Variants in POLE2 observed in about 807,000 individuals in gnomAD.
POLE2 encodes the protein DNA polymerase epsilon subunit 2.
Under a neutral mutation model 79.4 loss-of-function variants are expected in POLE2, and 56 were observed. The observed-to-expected ratio is 0.71, with a 90% confidence interval of 0.57 to 0.88. The LOEUF is 0.88. POLE2 is among the 40% of genes least tolerant of loss of function. The pLI is 0.00. For synonymous variants in POLE2, 212 were observed against 214.0 expected, an observed-to-expected ratio of 0.99 and a Z score of 0.08; for missense variants, 598 against 638.9, an observed-to-expected ratio of 0.94 and a Z score of 0.69.
At chr14:49,657,469 G>A (rs1184206856) in intron 10 of POLE2, among the ~76,000 whole-genome samples, 2 of 145,616 alleles carry the variant, frequency 1.4e-5, no homozygotes, top group African/African-American at 2.6e-5. Flanking sequence ...GTCTCATGCT[G>A]TCTCCCAGGC....
intron 3 of POLE2, chr14:49,677,739 T>A (rs1315135870): frequency 1.5e-6 from 2 of 1,376,694 alleles, no homozygotes; most frequent in Non-Finnish European, 2.0e-6. Context: ...CAACTCAGCA[T>A]CCCACAAAGC....
In POLE2 at chr14:49,683,610, G is replaced by C. The variant is rs2139695565; in HGVS notation, c.152C>G (p.Ala51Gly). The C allele has an allele frequency of 6.5e-7, 1 of 1,548,724 alleles. No individual in the cohort carries two copies. Among genetic ancestry groups the C allele is most frequent in the African/African-American group, 1.4e-5 (1 of 73,784 alleles). Residue 51 changes from alanine to glycine, a missense_variant, in exon 2 of 19, where the codon GCA becomes GGA. Coordinates refer to ENST00000216367, the MANE Select transcript of POLE2 (RefSeq NM_002692.4). ...LEDKLEKIIN[A>G]VEKQPLSSNM... ...TTACTTACAGGGTTGCTTCTCAACT[G>C]CATTAATTATCTTTTCCAGTTTATC...
chr14:49,650,229 T>C (rs746434717), intron 17 of POLE2, 36 bp downstream of exon 17: 20 of 1,150,854 alleles, frequency 1.7e-5, no homozygotes, highest in Non-Finnish European at 2.3e-5. Flanking sequence ...CTAATCTTGA[T>C]AAATAATGAC....
intron 4 of POLE2, 59 bp from the exon 5 acceptor site, chr14:49,674,275 G>C: frequency 6.9e-7 from 1 of 1,450,286 alleles, no homozygotes; most frequent in Admixed American, 1.7e-5. Flanking sequence ...AGCCAAAAGT[G>C]AAGCAAGAGA....
In POLE2 at chr14:49,683,644, C is replaced by G. The variant is rs759981747; in HGVS notation, c.118G>C (p.Glu40Gln). Residue 40 changes from glutamate to glutamine, a missense_variant, in exon 2 of 19, where the codon GAG becomes CAG. Physicochemically the swap from Glu to Gln is conservative, Grantham distance 29. Transcript: ENST00000216367. The part of the protein sequence containing the change: ...TEALQSISEL[E>Q]LEDKLEKIIN... ...ATCTTTTCCAGTTTATCTTCAAGCT[C>G]TAATTCACTGATAGACTGAAGAGCT... 5 of 1,596,942 alleles carry G rather than the reference C, an allele frequency of 3.1e-6. No homozygotes were observed. Among genetic ancestry groups the G allele is most frequent in the Non-Finnish European group, 4.3e-6 (5 of 1,166,994 alleles).
Position 49,657,429 on chromosome 14 carries a change from C to CT in POLE2, c.756-1587dup, listed in dbSNP as rs918363691. ...ATACATATCTTGTTATAGTTGATTC[C>CT]TTTTTTTTTTTTTTCTTTTTTTTGA... On this transcript the variant is annotated intron_variant, in intron 10 of 18. Coordinates refer to ENST00000216367, the MANE Select transcript of POLE2 (RefSeq NM_002692.4). 7.8e-3 allele frequency among the ~76,000 whole-genome samples: 1,116 copies of CT among 143,182 alleles called. 6 individuals are homozygous for CT. Among genetic ancestry groups the CT allele is most frequent in the African/African-American group, 9.0e-3 (352 of 39,196 alleles). 93.9% of individuals were successfully genotyped at this position (143,182 alleles called of 152,430 possible). A position where few individuals can be genotyped will look rare whatever the true frequency, so the allele number is the denominator to read the frequency against.
chr14:49,654,559 C>A, intron 13 of POLE2: 1 of 485,190 alleles, frequency 2.1e-6, no homozygotes, highest in Non-Finnish European at 3.4e-6. Flanking sequence ...AGTAATGCCA[C>A]GAAGAAATTC....
intron 3 of POLE2, chr14:49,677,222 C>T (rs1566565288): frequency 1.0e-5 from 8 of 803,766 alleles, no homozygotes; most frequent in South Asian, 7.5e-5. Flanking sequence ...CTTTACCTCA[C>T]GGCTTACTGT....
intron 1 of POLE2, among the ~76,000 whole-genome samples, chr14:49,687,278 CAT>C (rs577886157): frequency 7.1e-6 from 1 of 140,002 alleles, no homozygotes; most frequent in Non-Finnish European, 1.5e-5. Context: ...AAAAAAAATA[CAT>C]ATATATATAT....
At chr14:49,657,204 C>G (rs1213400003) in intron 10 of POLE2, among the ~76,000 whole-genome samples, 1 of 151,660 alleles carries the variant, frequency 6.6e-6, no homozygotes, top group Non-Finnish European at 1.5e-5. Context: ...AGTATGTGCT[C>G]AAAACATATT....
chr14:49,666,247 G>A, intron 7 of POLE2, 83 bp downstream of exon 7: 2 of 717,146 alleles, frequency 2.8e-6, no homozygotes, highest in Non-Finnish European at 4.9e-6. Flanking sequence ...ATACATTCCT[G>A]TGCCCACTAC....
At position 49,651,269 on chromosome 14, in the gene POLE2, G is replaced by C. The variant is rs111841426; in HGVS notation, c.1320C>G (p.His440Gln). 4 of 1,476,126 alleles carry C rather than the reference G, an allele frequency of 2.7e-6. No homozygotes were observed. In the South Asian group the frequency reaches 4.6e-5, roughly 17 times the overall value. 91.4% of individuals were successfully genotyped at this position (1,476,126 alleles called of 1,614,324 possible). A position where few individuals can be genotyped will look rare whatever the true frequency, so the allele number is the denominator to read the frequency against. ...TTAATAAAAAAGTTGTTTCACTTACGTGATTAGGAATAGCCAAATTGCTGC... is the reference window on the plus strand; with the variant it reads ...TTAATAAAAAAGTTGTTTCACTTACCTGATTAGGAATAGCCAAATTGCTGC... ...FPSSNLAIPN[H>Q]FVKTILSQGH... The change falls in exon 16 of 19, where the codon CAC (histidine) becomes CAG (glutamine). Residue 440 changes from histidine to glutamine, a missense_variant and splice_region_variant. By Grantham distance (24) the His-to-Gln change is conservative. Coordinates refer to ENST00000216367, the MANE Select transcript of POLE2 (RefSeq NM_002692.4).
chr14:49,656,126 C>A (rs1184427550), intron 10 of POLE2, among the ~76,000 whole-genome samples: 1 of 152,020 alleles, frequency 6.6e-6, no homozygotes, highest in African/African-American at 2.4e-5. Context: ...GAGGCCGAGG[C>A]GGGCGGATCA....
chr14:49,669,812 A>G (rs541211055), intron 5 of POLE2, among the ~76,000 whole-genome samples: 17 of 152,208 alleles, frequency 1.1e-4, no homozygotes, highest in Non-Finnish European at 2.5e-4. Context: ...TTAAAGGTCT[A>G]TTGTGTGTAT....
chr14:49,678,650 A>C (rs558643680), intron 3 of POLE2, among the ~76,000 whole-genome samples: 1 of 152,110 alleles, frequency 6.6e-6, no homozygotes, highest in African/African-American at 2.4e-5. Context: ...ATTATACTCC[A>C]GTATTTATTT....
intron 2 of POLE2, among the ~76,000 whole-genome samples, chr14:49,682,443 C>T (rs148791209): frequency 0.011 from 1,673 of 151,586 alleles, 31 homozygotes; most frequent in African/African-American, 0.038. Context: ...TCGAGACCAG[C>T]CTGGCCAACA....
intron 2 of POLE2, among the ~76,000 whole-genome samples, chr14:49,682,403 C>T (rs1008647246): frequency 2.6e-5 from 4 of 151,298 alleles, no homozygotes; most frequent in Non-Finnish European, 2.9e-5. Context: ...TTTGGGAGGC[C>T]GAGGTGGGCG....
rs752813081 is a variant in POLE2, at chr14:49,674,401, G to C, written c.272C>G (p.Ala91Gly). ...TIEHVFNIIGAFDIPRFVYNS... is the reference protein window; with the variant it reads ...TIEHVFNIIGGFDIPRFVYNS... ...GTACACAAAGCGTGGAATATCAAATGCTCCTATGATATTGAAAACGTGCTC... is the reference window on the plus strand; with the variant it reads ...GTACACAAAGCGTGGAATATCAAATCCTCCTATGATATTGAAAACGTGCTC... Residue 91 changes from alanine (A) to glycine (G), a missense_variant, in exon 4 of 19, where the codon GCA becomes GGA. Transcript: ENST00000216367. 1 of 1,610,488 alleles carries C rather than the reference G, an allele frequency of 6.2e-7. No homozygotes were observed. Among genetic ancestry groups the C allele is most frequent in the South Asian group, 1.1e-5 (1 of 90,928 alleles).
At position 49,663,361 on chromosome 14, in the gene POLE2, C is replaced by G; in HGVS notation, c.709G>C (p.Val237Leu). 1 of 1,610,392 alleles carries G rather than the reference C, an allele frequency of 6.2e-7. No homozygotes were observed. ...EGWFEDQVFHVNAFGFPPTEP... is the reference protein window; with the variant it reads ...EGWFEDQVFHLNAFGFPPTEP... Reference sequence around the variant, plus strand: ...GTGGGTGGAAATCCAAAGGCATTGACATGAAACACTTGATCTTCAAACCAA... The same window carrying G: ...GTGGGTGGAAATCCAAAGGCATTGAGATGAAACACTTGATCTTCAAACCAA... The change falls in exon 10 of 19, where the codon GTC (valine) becomes CTC (leucine). Residue 237 changes from valine (V) to leucine (L), a missense_variant. Coordinates refer to ENST00000216367, the MANE Select transcript of POLE2 (RefSeq NM_002692.4).
Sources: allele counts gnomAD v4.1 joint callset (sites outside exome capture counted in the v4.1 genomes callset), GRCh38; gene constraint gnomAD v4.1.1; transcripts MANE v1.5; gene names NCBI Gene and HGNC (gene_info 2026-07-23, HGNC 2026-07-21).